TYW1: variants seen among roughly 807,000 people sequenced by gnomAD.
The protein encoded by TYW1 is tRNA-yW synthesizing protein 1 homolog.
A neutral mutation model predicts 96.2 loss-of-function variants in TYW1; 46 were observed. The observed-to-expected ratio is 0.48, with a 90% CI of 0.38 to 0.61. TYW1 has a LOEUF of 0.61. TYW1 is among the 20% of genes least tolerant of loss of function. The probability of loss-of-function intolerance (pLI) is 0.00; values close to 1 mark genes in which losing one functional copy is unlikely to be tolerated. For missense variants in TYW1, 684 were observed against 909.6 expected, an observed-to-expected ratio of 0.75 and a Z score of 3.19; for synonymous variants, 274 against 323.0, an observed-to-expected ratio of 0.85 and a Z score of 1.63.
intron 12 of TYW1, among the ~76,000 whole-genome samples, chr7:67,099,474 ATG>A (rs1797020960): frequency 6.6e-6 from 1 of 152,192 alleles, no homozygotes; most frequent in South Asian, 2.1e-4. Flanking sequence ...AGACCACAGA[ATG>A]TGTGAAAGAG....
chr7:67,044,009 ATAATT>A (rs1179086992), intron 7 of TYW1, among the ~76,000 whole-genome samples: 6 of 152,070 alleles, frequency 3.9e-5, no homozygotes, highest in Non-Finnish European at 8.8e-5. Context: ...TTAAATATTA[ATAATT>A]TAATTTTTTA....
At chr7:67,004,421 C>G (rs1793500502) in intron 3 of TYW1, among the ~76,000 whole-genome samples, 1 of 152,046 alleles carries the variant, frequency 6.6e-6, no homozygotes, top group Non-Finnish European at 1.5e-5. Flanking sequence ...TGGAACCTCT[C>G]CTGCACTCTT....
chr7:67,216,643 T>C (rs1271943145), intron 15 of TYW1, among the ~76,000 whole-genome samples: 2 of 142,288 alleles, frequency 1.4e-5, no homozygotes, highest in Admixed American at 1.4e-4. Flanking sequence ...TTTTCTATCT[T>C]GAGTTGATTA....
At chr7:67,190,748 A>C (rs1414594786) in intron 14 of TYW1, among the ~76,000 whole-genome samples, 1 of 152,174 alleles carries the variant, frequency 6.6e-6, no homozygotes, top group Non-Finnish European at 1.5e-5. Flanking sequence ...TTTTAGGATA[A>C]AGGAATGAAG....
At chr7:67,159,811 A>ATTTATTTAT (rs1799102724) in intron 13 of TYW1, among the ~76,000 whole-genome samples, 3 of 135,250 alleles carry the variant, frequency 2.2e-5, no homozygotes, top group Non-Finnish European at 4.6e-5. Flanking sequence ...TTATTTATTT[A>ATTTATTTAT]TTTTTTTGAG....
chr7:67,056,893 T>C (rs1378720446), intron 9 of TYW1, among the ~76,000 whole-genome samples: 1 of 152,212 alleles, frequency 6.6e-6, no homozygotes, highest in Non-Finnish European at 1.5e-5. Flanking sequence ...TTATACTTGC[T>C]CAGCAATTTA....
At chr7:67,121,623 A>G (rs1227939314) in intron 13 of TYW1, among the ~76,000 whole-genome samples, 2 of 151,462 alleles carry the variant, frequency 1.3e-5, no homozygotes, top group Non-Finnish European at 2.9e-5. Context: ...CAGATATTTT[A>G]ATTAGAGCAT....
intron 15 of TYW1, among the ~76,000 whole-genome samples, chr7:67,220,480 G>A (rs1188942639): frequency 6.6e-6 from 1 of 152,150 alleles, no homozygotes; most frequent in East Asian, 1.9e-4. Context: ...TGGGATTACA[G>A]GCCTAAGCCA....
Position 67,124,705 on chromosome 7 carries a change from A to G in TYW1, c.1698+7087A>G, listed in dbSNP as rs1371615388. On this transcript the variant is annotated intron_variant, in intron 13 of 15. Coordinates refer to ENST00000359626, the MANE Select transcript of TYW1 (RefSeq NM_018264.4). ...GTGTCTGATTTCTCAACATTATAAT[A>G]TTATAATAACATTCAACATGGTGTT... 3.3e-5 allele frequency among the ~76,000 whole-genome samples: 5 copies of G among 152,182 alleles called. No homozygotes were observed. In the East Asian group the frequency reaches 9.6e-4, roughly 29 times the overall value.
intron 15 of TYW1, among the ~76,000 whole-genome samples, chr7:67,234,675 G>T (rs779554900): frequency 6.6e-6 from 1 of 152,164 alleles, no homozygotes; most frequent in Non-Finnish European, 1.5e-5. Context: ...AGAGCAGTCA[G>T]TTGTCAGATT....
intron 9 of TYW1, among the ~76,000 whole-genome samples, chr7:67,063,058 C>G (rs1795746337): frequency 6.6e-6 from 1 of 152,020 alleles, no homozygotes; most frequent in South Asian, 2.1e-4. Flanking sequence ...AAGATATGAG[C>G]AAATTGAATT....
chr7:67,144,184 T>C, intron 13 of TYW1, among the ~76,000 whole-genome samples: 1 of 152,220 alleles, frequency 6.6e-6, no homozygotes, highest in Non-Finnish European at 1.5e-5. Flanking sequence ...TTAAAGACTT[T>C]TTTCATTTGA....
chr7:67,026,083 A>T (rs1794444478), intron 7 of TYW1, among the ~76,000 whole-genome samples: 1 of 151,974 alleles, frequency 6.6e-6, no homozygotes, highest in Non-Finnish European at 1.5e-5. Context: ...TTTATTTTTT[A>T]TTTTTTTGAA....
chr7:67,055,160 T>C (rs1260001561), intron 8 of TYW1, among the ~76,000 whole-genome samples: 1 of 152,220 alleles, frequency 6.6e-6, no homozygotes, highest in Admixed American at 6.5e-5. Flanking sequence ...ATTCTATAGT[T>C]GATGAGTGCA....
intron 1 of TYW1, among the ~76,000 whole-genome samples, chr7:66,997,280 C>T (rs555131629): frequency 2.2e-4 from 33 of 151,828 alleles, no homozygotes; most frequent in African/African-American, 7.7e-4. Flanking sequence ...AAATTGCTCC[C>T]AGGTTGAACG....
At chr7:67,192,085 AG>A (rs1315849914) in intron 14 of TYW1, among the ~76,000 whole-genome samples, 2 of 151,904 alleles carry the variant, frequency 1.3e-5, no homozygotes, top group African/African-American at 4.8e-5. Context: ...TAATAGAGAC[AG>A]GGTTTCACCA....
At chr7:67,003,095 T>C (rs1347138629) in intron 3 of TYW1, among the ~76,000 whole-genome samples, 2 of 152,114 alleles carry the variant, frequency 1.3e-5, no homozygotes, top group African/African-American at 4.8e-5. Context: ...TAATCTTAAC[T>C]GTTTCTCTCA....
chr7:67,157,880 C>T (rs1455420229), intron 13 of TYW1, among the ~76,000 whole-genome samples: 1 of 152,032 alleles, frequency 6.6e-6, no homozygotes, highest in Non-Finnish European at 1.5e-5. Flanking sequence ...GGAGGAAGAC[C>T]AGAGAGCTGT....
chr7:67,025,365 C>T (rs1365531662), intron 7 of TYW1, among the ~76,000 whole-genome samples: 1 of 82,750 alleles, frequency 1.2e-5, no homozygotes, highest in African/African-American at 4.7e-5. Context: ...AGCTGATGAG[C>T]TAAAAAAAAA....
Sources: allele counts gnomAD v4.1 joint callset (sites outside exome capture counted in the v4.1 genomes callset), GRCh38; gene constraint gnomAD v4.1.1; transcripts MANE v1.5; gene names NCBI Gene and HGNC (gene_info 2026-07-23, HGNC 2026-07-21).